The following SPPL3 variants were observed in gnomAD, a reference collection of about 807,000 sequenced individuals.
The protein encoded by SPPL3 is signal peptide peptidase-like 3.
Under a neutral mutation model 42.4 loss-of-function variants are expected in SPPL3, and 5 were observed. That is an observed-to-expected ratio of 0.12 (90% CI 0.06 to 0.25). The LOEUF (loss-of-function observed/expected upper bound fraction) is 0.25, where lower values mean the gene tolerates loss of function less well. Ranked by LOEUF, SPPL3 falls within the 10% of genes least tolerant of loss-of-function variation. SPPL3 has a pLI of 1.00. For synonymous variants in SPPL3, 195 were observed against 181.8 expected, an observed-to-expected ratio of 1.07 and a Z score of -0.58; for missense variants, 235 against 489.0, an observed-to-expected ratio of 0.48 and a Z score of 4.90.
chr12:120,830,606 A>AGAGAGAGAGAGAGAGAG (rs377406347), intron 1 of SPPL3, among the ~76,000 whole-genome samples: 230 of 124,524 alleles, frequency 1.8e-3, no homozygotes, highest in East Asian at 3.7e-3. Context: ...AGAGAGAGAG[A>AGAGAGAGAGAGAGAGAG]AGGTGTACAT....
At chr12:120,881,465 C>CAAAAAA (rs374467556) in intron 1 of SPPL3, among the ~76,000 whole-genome samples, 4 of 52,924 alleles carry the variant, frequency 7.6e-5, no homozygotes, top group South Asian at 6.2e-4. Flanking sequence ...GAGACTGCCT[C>CAAAAAA]AAAAAAAAAA....
chr12:120,828,165 A>G (rs951662405), intron 1 of SPPL3, among the ~76,000 whole-genome samples: 1 of 152,246 alleles, frequency 6.6e-6, no homozygotes, highest in Non-Finnish European at 1.5e-5. Context: ...GAAATCACCC[A>G]AAGGAAAATC....
intron 1 of SPPL3, among the ~76,000 whole-genome samples, chr12:120,902,147 G>A (rs1317502220): frequency 6.6e-6 from 1 of 152,176 alleles, no homozygotes; most frequent in Non-Finnish European, 1.5e-5. Context: ...AAAGGCAGCT[G>A]TCACGCAAAA....
At chr12:120,876,616 C>CAAAAAAAAAAAAAAAAAA (rs71076676) in intron 1 of SPPL3, among the ~76,000 whole-genome samples, 3 of 51,238 alleles carry the variant, frequency 5.9e-5, no homozygotes, top group Admixed American at 2.5e-4. Context: ...GACTCTGTCT[C>CAAAAAAAAAAAAAAAAAA]AAAAAAAAAA....
chr12:120,789,327 G>A (rs1029241628), intron 3 of SPPL3, among the ~76,000 whole-genome samples: 2 of 151,448 alleles, frequency 1.3e-5, no homozygotes, highest in African/African-American at 4.9e-5. Flanking sequence ...GGTGGTGGGT[G>A]CCTGTAATCC....
chr12:120,785,459 AG>A (rs1869690039), intron 3 of SPPL3, among the ~76,000 whole-genome samples: 1 of 152,084 alleles, frequency 6.6e-6, no homozygotes, highest in South Asian at 2.1e-4. Flanking sequence ...CCCAGCTAAA[AG>A]CTCCTCACAA....
intron 1 of SPPL3, among the ~76,000 whole-genome samples, chr12:120,893,518 TCAAA>T (rs1204300760): frequency 2.5e-4 from 38 of 152,116 alleles, no homozygotes; most frequent in African/African-American, 3.6e-4. Context: ...CTTTCACATC[TCAAA>T]CAAATGGCCA....
intron 1 of SPPL3, among the ~76,000 whole-genome samples, chr12:120,846,692 A>T (rs1272288305): frequency 1.3e-5 from 2 of 151,826 alleles, no homozygotes; most frequent in Non-Finnish European, 2.9e-5. Flanking sequence ...TCTCAAGAAA[A>T]ATCACTTTTT....
At chr12:120,866,208 C>T (rs902405472) in intron 1 of SPPL3, among the ~76,000 whole-genome samples, 5 of 152,140 alleles carry the variant, frequency 3.3e-5, no homozygotes, top group Non-Finnish European at 7.3e-5. Context: ...ACATCCTCCC[C>T]CTCCTCCCCA....
intron 2 of SPPL3, among the ~76,000 whole-genome samples, chr12:120,806,648 A>G (rs1238715724): frequency 6.6e-6 from 1 of 152,080 alleles, no homozygotes; most frequent in Non-Finnish European, 1.5e-5. Context: ...GGAGATCGAG[A>G]CCATCTTGGC....
At chr12:120,845,170 C>T (rs1041328464) in intron 1 of SPPL3, 2 of 465,804 alleles carry the variant, frequency 4.3e-6, no homozygotes, top group Non-Finnish European at 8.6e-6. Context: ...CCCGTCGCCA[C>T]TGGTGGCACA....
chr12:120,823,649 T>C (rs1006269515), intron 1 of SPPL3, among the ~76,000 whole-genome samples: 1 of 152,200 alleles, frequency 6.6e-6, no homozygotes, highest in South Asian at 2.1e-4. Context: ...TGGGTGATAC[T>C]GTCTACTCTC....
At chr12:120,883,330 A>T (rs904387276) in intron 1 of SPPL3, among the ~76,000 whole-genome samples, 8 of 152,156 alleles carry the variant, frequency 5.3e-5, no homozygotes, top group African/African-American at 1.7e-4. Flanking sequence ...CAAACAAAAA[A>T]CAAACTTAAT....
chr12:120,871,295 A>AG (rs1684744608), intron 1 of SPPL3, among the ~76,000 whole-genome samples: 1 of 151,922 alleles, frequency 6.6e-6, no homozygotes, highest in South Asian at 2.1e-4. Flanking sequence ...AAAAGTAAAA[A>AG]GAAAAAAAGC....
At chr12:120,820,537 C>T (rs956152433) in intron 1 of SPPL3, among the ~76,000 whole-genome samples, 1 of 151,882 alleles carries the variant, frequency 6.6e-6, no homozygotes, top group South Asian at 2.1e-4. Context: ...AGGATGGTCT[C>T]GATCTCCTGA....
chr12:120,854,679 C>T (rs899018746), intron 1 of SPPL3, among the ~76,000 whole-genome samples: 2 of 152,134 alleles, frequency 1.3e-5, no homozygotes, highest in Non-Finnish European at 2.9e-5. Flanking sequence ...AAATGACTGT[C>T]AATTGGGTCT....
chr12:120,855,022 A>C (rs1295804860), intron 1 of SPPL3, among the ~76,000 whole-genome samples: 2 of 152,156 alleles, frequency 1.3e-5, no homozygotes, highest in African/African-American at 4.8e-5. Context: ...GGGAAGGAAG[A>C]AGCATGCAGG....
chr12:120,863,126 T>A (rs900676266), intron 1 of SPPL3, among the ~76,000 whole-genome samples: 1 of 152,146 alleles, frequency 6.6e-6, no homozygotes, highest in Non-Finnish European at 1.5e-5. Context: ...GGTGGGTGGA[T>A]CACCTGAGGT....
Position 120,899,343 on chromosome 12 carries a change from T to C in SPPL3, c.23+4502A>G, listed in dbSNP as rs527971069. Among the ~76,000 whole-genome samples, 425 of 152,316 alleles carry C rather than the reference T, an allele frequency of 2.8e-3. 3 individuals carry two copies. The highest frequency in any genetic ancestry group is 4.5e-3 in the Non-Finnish European group (306 of 68,012). On this transcript the variant is annotated intron_variant, in intron 1 of 10. Transcript: ENST00000353487. ...TAAGTACTTGGGTTATAAACACTTA[T>C]TTTTCACTCAGTAGCATCCTCCTTA... is the stretch of plus-strand genomic sequence containing the variant.
Sources: allele counts gnomAD v4.1 joint callset (sites outside exome capture counted in the v4.1 genomes callset), GRCh38; gene constraint gnomAD v4.1.1; transcripts MANE v1.5; gene names NCBI Gene and HGNC (gene_info 2026-07-23, HGNC 2026-07-21).